Variants in ALCAM observed in about 807,000 individuals in gnomAD.
ALCAM encodes the protein activated leukocyte cell adhesion molecule, also known as CD166 antigen.
In ALCAM, 30 loss-of-function variants were observed where a neutral mutation model predicts 70.9. The observed-to-expected ratio is 0.42, with a 90% CI of 0.32 to 0.57. The LOEUF is 0.57. Among genes scored for constraint, ALCAM ranks in the 20% least tolerant of loss-of-function variants. The pLI is 0.11. For synonymous variants in ALCAM, 249 were observed against 242.5 expected (o/e 1.03, Z -0.25); for missense variants, 591 against 695.1 (o/e 0.85, Z 1.68).
At position 105,429,112 on chromosome 3, in the gene ALCAM, C is replaced by T. The variant is rs531531101; in HGVS notation, c.73+61631C>T. Among the ~76,000 whole-genome samples the T allele has an allele frequency of 2.6e-5, 4 of 151,996 alleles. No individual in the cohort carries two copies. The South Asian group carries it at 6.2e-4, about 24-fold the overall frequency. On this transcript the variant is annotated intron_variant, in intron 1 of 15. Transcript: ENST00000306107. ...AAGCCACCATTTAAAATTTTTTAAACTCAAATTCCATCTGCAAAAAATCTA... is the reference window on the plus strand; with the variant it reads ...AAGCCACCATTTAAAATTTTTTAAATTCAAATTCCATCTGCAAAAAATCTA...
At chr3:105,386,111 A>G (rs1267881160) in intron 1 of ALCAM, among the ~76,000 whole-genome samples, 2 of 151,658 alleles carry the variant, frequency 1.3e-5, no homozygotes, top group East Asian at 1.9e-4. Flanking sequence ...CTTCACCCAA[A>G]GAGTTGACCT....
chr3:105,509,494 G>A (rs1939174992), intron 1 of ALCAM, among the ~76,000 whole-genome samples: 1 of 151,584 alleles, frequency 6.6e-6, no homozygotes, highest in Non-Finnish European at 1.5e-5. Flanking sequence ...ATATCTATTG[G>A]CTAATTATAT....
intron 14 of ALCAM, among the ~76,000 whole-genome samples, chr3:105,569,079 T>A (rs1940806185): frequency 6.6e-6 from 1 of 152,136 alleles, no homozygotes; most frequent in Non-Finnish European, 1.5e-5. Context: ...GTTTTTTTTT[T>A]AATTTTATTT....
chr3:105,425,924 G>T (rs886987337), intron 1 of ALCAM, among the ~76,000 whole-genome samples: 3 of 151,694 alleles, frequency 2.0e-5, no homozygotes, highest in Non-Finnish European at 4.4e-5. Flanking sequence ...GCGAACAGGC[G>T]CTCTTTCAAA....
intron 1 of ALCAM, among the ~76,000 whole-genome samples, chr3:105,495,644 C>T (rs993629604): frequency 1.3e-5 from 2 of 152,130 alleles, no homozygotes; most frequent in African/African-American, 4.8e-5. Context: ...GTATGCAAAG[C>T]ACGGTGGAAT....
intron 14 of ALCAM, among the ~76,000 whole-genome samples, chr3:105,554,277 T>C (rs929881794): frequency 6.6e-6 from 1 of 151,894 alleles, no homozygotes; most frequent in African/African-American, 2.4e-5. Context: ...GAAACCCACA[T>C]GGGCTAAAAC....
intron 1 of ALCAM, among the ~76,000 whole-genome samples, chr3:105,466,833 G>C (rs1249313559): frequency 6.6e-6 from 1 of 151,284 alleles, no homozygotes; most frequent in East Asian, 1.9e-4. Context: ...AGGAGACTCA[G>C]TGTCTAGTTT....
chr3:105,367,713 C>T (rs1935102728), intron 1 of ALCAM, among the ~76,000 whole-genome samples: 1 of 152,210 alleles, frequency 6.6e-6, no homozygotes, highest in Non-Finnish European at 1.5e-5. Context: ...GGTGAATCTC[C>T]AGGAACTTGG....
chr3:105,521,730 G>A (rs1261071810), intron 2 of ALCAM, among the ~76,000 whole-genome samples: 1 of 152,098 alleles, frequency 6.6e-6, no homozygotes, highest in Non-Finnish European at 1.5e-5. Flanking sequence ...ATTCAACAAA[G>A]TGAACTCGTG....
At chr3:105,451,619 G>A (rs1034429224) in intron 1 of ALCAM, among the ~76,000 whole-genome samples, 3 of 152,088 alleles carry the variant, frequency 2.0e-5, no homozygotes, top group African/African-American at 7.2e-5. Flanking sequence ...AAGATAAAGA[G>A]AGTCAATAAA....
At chr3:105,403,842 C>T (rs1045073541) in intron 1 of ALCAM, among the ~76,000 whole-genome samples, 6 of 150,642 alleles carry the variant, frequency 4.0e-5, no homozygotes, top group Non-Finnish European at 7.4e-5. Flanking sequence ...AAACATGATA[C>T]AGGATATGAA....
chr3:105,367,146 T>G lies in ALCAM; in HGVS notation c.-263T>G. ...TCAAGTGTCTCCTGGAAACAGAGGG[T>G]CGTTGTCCCCGGAGGAGCAGCCGAA... is the stretch of plus-strand genomic sequence containing the variant. On this transcript the variant is annotated 5_prime_UTR_variant, in exon 1 of 16. Transcript: ENST00000306107. 2 of 496,838 alleles carry G rather than the reference T, an allele frequency of 4.0e-6. No individual in the cohort carries two copies. Among genetic ancestry groups the G allele is most frequent in the East Asian group, 3.6e-5 (1 of 27,726 alleles). 30.8% of individuals were successfully genotyped at this position (496,838 alleles called of 1,614,324 possible). A position where few individuals can be genotyped will look rare whatever the true frequency, so the allele number is the denominator to read the frequency against.
At chr3:105,400,154 C>G (rs1370673815) in intron 1 of ALCAM, among the ~76,000 whole-genome samples, 1 of 152,100 alleles carries the variant, frequency 6.6e-6, no homozygotes, top group Non-Finnish European at 1.5e-5. Flanking sequence ...TTTAAACATA[C>G]ACAGGAAGAA....
At chr3:105,367,553 C>G in intron 1 of ALCAM, 72 bp downstream of exon 1, 2 of 1,564,944 alleles carry the variant, frequency 1.3e-6, no homozygotes, top group Middle Eastern at 3.4e-4. Flanking sequence ...CCGTCCCAGC[C>G]TCGCACCCCC....
chr3:105,402,471 T>C (rs1936112471), intron 1 of ALCAM, among the ~76,000 whole-genome samples: 1 of 151,802 alleles, frequency 6.6e-6, no homozygotes, highest in South Asian at 2.1e-4. Context: ...CAATGGGGAG[T>C]CTCGTGGTTT....
chr3:105,503,776 C>T (rs1279515732), intron 1 of ALCAM, among the ~76,000 whole-genome samples: 2 of 152,188 alleles, frequency 1.3e-5, no homozygotes, highest in African/African-American at 4.8e-5. Flanking sequence ...CCTCCTACAG[C>T]CCCTAAACCT....
At chr3:105,419,720 C>T (rs899662321) in intron 1 of ALCAM, among the ~76,000 whole-genome samples, 2 of 151,722 alleles carry the variant, frequency 1.3e-5, no homozygotes, top group Non-Finnish European at 2.9e-5. Flanking sequence ...CTTATTTTTC[C>T]AATTGAAGTA....
chr3:105,388,339 C>T (rs1016477616), intron 1 of ALCAM, among the ~76,000 whole-genome samples: 8 of 151,494 alleles, frequency 5.3e-5, no homozygotes, highest in African/African-American at 1.2e-4. Flanking sequence ...TCTCCACAGA[C>T]GACTGTCCCA....
At chr3:105,399,226 A>T (rs533420836) in intron 1 of ALCAM, among the ~76,000 whole-genome samples, 1 of 152,226 alleles carries the variant, frequency 6.6e-6, no homozygotes, top group Non-Finnish European at 1.5e-5. Context: ...TGTATGCATC[A>T]TCGTACCCAG....
Sources: gnomAD v4.1 joint callset for allele counts (sites outside exome capture counted in the v4.1 genomes callset) on GRCh38, gnomAD v4.1.1 for gene constraint, MANE v1.5 for transcripts, NCBI Gene and HGNC (gene_info 2026-07-23, HGNC 2026-07-21) for gene names.